The following KIAA1217 variants were observed in gnomAD, a reference collection of about 807,000 sequenced individuals.
The protein encoded by KIAA1217 is sickle tail protein homolog.
A neutral mutation model predicts 163.9 loss-of-function variants in KIAA1217; 88 were observed. The observed-to-expected ratio is 0.54, with a 90% CI of 0.45 to 0.64. KIAA1217 has a LOEUF of 0.64. Ranked by LOEUF, KIAA1217 falls within the 30% of genes least tolerant of loss-of-function variation. The pLI, the probability that KIAA1217 is intolerant of heterozygous loss-of-function variation, is 0.00. For synonymous variants in KIAA1217, 903 were observed against 923.1 expected (o/e 0.98, Z 0.39); for missense variants, 2,372 against 2,475.0 (o/e 0.96, Z 0.88).
chr10:23,959,593 T>G (rs2131370201), intron 1 of KIAA1217, among the ~76,000 whole-genome samples: 1 of 152,292 alleles, frequency 6.6e-6, no homozygotes, highest in Admixed American at 6.5e-5. Flanking sequence ...CATGTAAATT[T>G]TACATGACAT....
intron 1 of KIAA1217, among the ~76,000 whole-genome samples, chr10:24,004,903 A>C (rs1365361276): frequency 3.3e-5 from 5 of 152,226 alleles, no homozygotes; most frequent in African/African-American, 1.2e-4. Context: ...TGGAACCAGG[A>C]GTGACCAGAA....
intron 3 of KIAA1217, among the ~76,000 whole-genome samples, chr10:24,399,655 G>T (rs2056284279): frequency 6.6e-6 from 1 of 152,144 alleles, no homozygotes; most frequent in African/African-American, 2.4e-5. Context: ...TGTGACTGAG[G>T]TATTCCAGCA....
rs182859026 is a variant in KIAA1217 at position 24,254,195 on chromosome 10, T to C, written c.354+34286T>C. Among the ~76,000 whole-genome samples the C allele has an allele frequency of 1.6e-4, 24 of 152,348 alleles. No homozygotes were observed. The East Asian group carries it at 4.4e-3, about 28-fold the overall frequency. ...TGCTCAGAATGCACCCAGCAAAGAT[T>C]GGCTGAACAAAGACAGGGAGATGTT... is the stretch of plus-strand genomic sequence containing the variant. On this transcript the variant is annotated intron_variant, in intron 2 of 20. Coordinates refer to ENST00000376454, the MANE Select transcript of KIAA1217 (RefSeq NM_019590.5).
intron 2 of KIAA1217, among the ~76,000 whole-genome samples, chr10:24,374,108 T>A (rs1238963722): frequency 6.6e-6 from 1 of 152,168 alleles, no homozygotes; most frequent in African/African-American, 2.4e-5. Context: ...AGAAACAGGA[T>A]ATAAACTGAG....
chr10:23,817,437 G>C (rs532943330), intron 1 of KIAA1217, among the ~76,000 whole-genome samples: 1 of 152,126 alleles, frequency 6.6e-6, no homozygotes, highest in East Asian at 1.9e-4. Flanking sequence ...ATCCTGGAAC[G>C]TTTGAGCTGG....
At chr10:23,727,446 G>T (rs980605132) in intron 1 of KIAA1217, among the ~76,000 whole-genome samples, 1 of 151,898 alleles carries the variant, frequency 6.6e-6, no homozygotes, top group African/African-American at 2.4e-5. Flanking sequence ...TATAATCCCA[G>T]CTACTTGGGA....
intron 1 of KIAA1217, among the ~76,000 whole-genome samples, chr10:23,887,689 G>A (rs1450260921): frequency 6.6e-6 from 1 of 151,642 alleles, no homozygotes; most frequent in Non-Finnish European, 1.5e-5. Context: ...CCCTTTGAAA[G>A]AACCTGAAAT....
In KIAA1217 at chr10:23,786,692, G is replaced by T. The variant is rs552526688; in HGVS notation, c.-321+91458G>T. On this transcript the variant is annotated intron_variant, in intron 1 of 18. Coordinates refer to the KIAA1217 transcript ENST00000376462. ...TTTCATAGCCTTGCTTCCTAATGAA[G>T]GATTGAAAATTATTTAGCCAGAGTA... 1.4e-3 allele frequency among the ~76,000 whole-genome samples: 219 copies of T among 152,242 alleles called. 5 individuals are homozygous for T. The highest frequency in any genetic ancestry group is 0.014 in the Middle Eastern group (4 of 294).
chr10:24,386,877 C>T (rs911234653), intron 3 of KIAA1217, among the ~76,000 whole-genome samples: 17 of 152,108 alleles, frequency 1.1e-4, no homozygotes, highest in African/African-American at 4.1e-4. Flanking sequence ...CTGCACCTGG[C>T]CCAAAAGATA....
At chr10:23,998,165 G>A (rs895233169) in intron 1 of KIAA1217, among the ~76,000 whole-genome samples, 9 of 151,906 alleles carry the variant, frequency 5.9e-5, no homozygotes, top group Non-Finnish European at 1.3e-4. Context: ...GAAAAAAAAA[G>A]ACTTAACCTT....
intron 3 of KIAA1217, among the ~76,000 whole-genome samples, chr10:24,385,274 C>A (rs181223754): frequency 2.0e-5 from 3 of 152,302 alleles, no homozygotes; most frequent in Admixed American, 2.0e-4. Context: ...GTCCTCATTT[C>A]TATTGCTTCA....
chr10:24,167,279 A>T (rs910621080), intron 2 of KIAA1217, among the ~76,000 whole-genome samples: 1 of 86,992 alleles, frequency 1.1e-5, no homozygotes, highest in Non-Finnish European at 2.3e-5. Context: ...TTTGGTGTGT[A>T]TGTGCGTGTG....
chr10:23,781,123 C>T (rs1835239012), intron 1 of KIAA1217, among the ~76,000 whole-genome samples: 1 of 152,148 alleles, frequency 6.6e-6, no homozygotes, highest in Non-Finnish European at 1.5e-5. Context: ...GGTATATACT[C>T]CAGAAAAGGG....
intron 2 of KIAA1217, among the ~76,000 whole-genome samples, chr10:24,161,466 C>T (rs910277485): frequency 1.3e-5 from 2 of 152,290 alleles, no homozygotes; most frequent in East Asian, 3.9e-4. Context: ...CTGGGCTCTA[C>T]GTCCTGAAAT....
intron 2 of KIAA1217, among the ~76,000 whole-genome samples, chr10:24,200,051 C>A (rs888141940): frequency 2.0e-5 from 3 of 152,018 alleles, no homozygotes; most frequent in Admixed American, 6.6e-5. Context: ...CCCCCCCATG[C>A]ACCCCTGCCC....
chr10:24,233,377 C>T (rs1452142652), intron 2 of KIAA1217, among the ~76,000 whole-genome samples: 1 of 152,200 alleles, frequency 6.6e-6, no homozygotes, highest in African/African-American at 2.4e-5. Flanking sequence ...ATCCACCAGC[C>T]TCCATAACTC....
chr10:23,976,737 A>C lies in KIAA1217; in HGVS notation c.-320-30488A>C, dbSNP rs1564580236. 2.0e-5 allele frequency among the ~76,000 whole-genome samples: 3 copies of C among 152,210 alleles called. No homozygotes were observed. The East Asian group carries it at 5.8e-4, about 29-fold the overall frequency. ...AAGACATTCTGTATTCTCAAATGCCAATATCTGCTGATAGGCAGGTGGGAG... is the reference window on the plus strand; with the variant it reads ...AAGACATTCTGTATTCTCAAATGCCCATATCTGCTGATAGGCAGGTGGGAG... On this transcript the variant is annotated intron_variant, in intron 1 of 18. Transcript: ENST00000376462.
At position 23,845,935 on chromosome 10, in the gene KIAA1217, C is replaced by T. The variant is rs185728367; in HGVS notation, c.-321+150701C>T. 9.2e-5 allele frequency among the ~76,000 whole-genome samples: 14 copies of T among 152,298 alleles called. No homozygotes were observed. The East Asian group carries it at 2.5e-3, about 27-fold the overall frequency. ...AAGGTGTAAGGAAGGGGTCCAGTTT[C>T]AGTTTTCTGCATATGGCTAGCCAGT... On this transcript the variant is annotated intron_variant, in intron 1 of 18. Transcript: ENST00000376462.
At chr10:23,807,137 T>C (rs1349877111) in intron 1 of KIAA1217, among the ~76,000 whole-genome samples, 2 of 152,244 alleles carry the variant, frequency 1.3e-5, no homozygotes, top group Non-Finnish European at 2.9e-5. Flanking sequence ...GGCATTGGTA[T>C]GAAGCTCAGC....
Sources: gnomAD v4.1 joint callset for allele counts (sites outside exome capture counted in the v4.1 genomes callset) on GRCh38, gnomAD v4.1.1 for gene constraint, MANE v1.5 for transcripts, NCBI Gene and HGNC (gene_info 2026-07-23, HGNC 2026-07-21) for gene names.